Variants in UBR3 observed in about 807,000 individuals in gnomAD.
The protein encoded by UBR3 is ubiquitin protein ligase E3 component n-recognin 3.
UBR3 carries 85 observed loss-of-function variants against 243.2 expected under a neutral mutation model. That is an observed-to-expected ratio of 0.35 (90% CI 0.29 to 0.42). UBR3 has a LOEUF of 0.42. UBR3 is among the 10% of genes least tolerant of loss of function. The probability of loss-of-function intolerance (pLI) is 1.00; values close to 1 mark genes in which losing one functional copy is unlikely to be tolerated. For synonymous variants in UBR3, 748 were observed against 799.8 expected (o/e 0.94, Z 1.09); for missense variants, 1,686 against 2,300.8 (o/e 0.73, Z 5.47).
intron 1 of UBR3, among the ~76,000 whole-genome samples, chr2:169,831,216 C>T (rs533752626): frequency 7.0e-6 from 1 of 143,310 alleles, no homozygotes; most frequent in Admixed American, 7.1e-5. Context: ...TCTTGGCTCA[C>T]CGCAACCTCT....
chr2:170,049,970 C>T (rs1410400302), intron 32 of UBR3, among the ~76,000 whole-genome samples: 1 of 152,140 alleles, frequency 6.6e-6, no homozygotes, highest in Non-Finnish European at 1.5e-5. Flanking sequence ...TCATTTGAAT[C>T]TTTAACACTT....
chr2:169,904,173 C>T (rs1051817423), intron 8 of UBR3, among the ~76,000 whole-genome samples: 2 of 152,036 alleles, frequency 1.3e-5, no homozygotes, highest in African/African-American at 2.4e-5. Flanking sequence ...CTCTCAAAAG[C>T]ATATGATTCA....
intron 36 of UBR3, among the ~76,000 whole-genome samples, chr2:170,074,506 C>T (rs1267828765): frequency 1.3e-5 from 2 of 152,128 alleles, no homozygotes; most frequent in Non-Finnish European, 2.9e-5. Flanking sequence ...GCCTTTCCAT[C>T]TCATCGTATA....
intron 6 of UBR3, among the ~76,000 whole-genome samples, chr2:169,893,329 TTAA>T (rs1447321535): frequency 6.6e-6 from 1 of 152,226 alleles, no homozygotes; most frequent in Non-Finnish European, 1.5e-5. Context: ...TGCTTGACAA[TTAA>T]TAATAATTAT....
At chr2:169,861,479 C>T (rs374129322) in intron 1 of UBR3, among the ~76,000 whole-genome samples, 2 of 151,902 alleles carry the variant, frequency 1.3e-5, no homozygotes, top group Middle Eastern at 3.4e-3. Flanking sequence ...GTAGTGGCGG[C>T]GCCTGTAATC....
chr2:170,015,047 T>A, intron 29 of UBR3: 1 of 358,176 alleles, frequency 2.8e-6, no homozygotes, highest in Non-Finnish European at 5.0e-6. Context: ...CACCATGATG[T>A]GTGCAATTTT....
chr2:170,019,554 G>A (rs543056575), intron 30 of UBR3, among the ~76,000 whole-genome samples: 24 of 152,062 alleles, frequency 1.6e-4, no homozygotes, highest in Middle Eastern at 3.4e-3. Context: ...GTGTGGTGGC[G>A]TGTGCCTGTG....
Position 170,082,049 on chromosome 2 carries a change from C to A in UBR3, c.*206C>A. The A allele has an allele frequency of 2.6e-6, 1 of 380,256 alleles. No individual in the cohort carries two copies. Among genetic ancestry groups the A allele is most frequent in the Non-Finnish European group, 4.7e-6 (1 of 213,752 alleles). 23.6% of individuals were successfully genotyped at this position (380,256 alleles called of 1,614,324 possible). Reference sequence around the variant, plus strand: ...TTTAATATCTGGAGAACATTAATAACAAGTTAAATTATTCTTTAGTGGTCA... The same window carrying A: ...TTTAATATCTGGAGAACATTAATAAAAAGTTAAATTATTCTTTAGTGGTCA... On this transcript the variant is annotated 3_prime_UTR_variant, in exon 39 of 39. Transcript: ENST00000272793.
intron 25 of UBR3, among the ~76,000 whole-genome samples, chr2:169,992,310 G>T (rs2089309147): frequency 6.6e-6 from 1 of 152,126 alleles, no homozygotes; most frequent in African/African-American, 2.4e-5. Flanking sequence ...GGCTTCACTG[G>T]TGAATTCTAT....
chr2:169,925,559 T>C, intron 13 of UBR3, 60 bp from the exon 14 acceptor site: 2 of 1,404,170 alleles, frequency 1.4e-6, no homozygotes, highest in Non-Finnish European at 9.6e-7. Flanking sequence ...TGGTTATTTA[T>C]AATATTTTGT....
intron 10 of UBR3, among the ~76,000 whole-genome samples, chr2:169,907,348 T>C (rs10930386): frequency 0.98 from 148,673 of 152,204 alleles, 72,694 homozygotes; most frequent in Non-Finnish European, 1. Context: ...TCTGTCCATA[T>C]GATATTTCCT....
chr2:169,835,998 TCTCTCTCTCTCTCTCTCTC>T (rs2082077585), intron 1 of UBR3, among the ~76,000 whole-genome samples: 18 of 32,122 alleles, frequency 5.6e-4, no homozygotes, highest in African/African-American at 1.5e-3. Flanking sequence ...GCACTGTCTC[TCTCTCTCTCTCTCTCTCTC>T]TCTCTCTCTC....
intron 5 of UBR3, among the ~76,000 whole-genome samples, chr2:169,884,637 A>T (rs1404089630): frequency 1.3e-5 from 2 of 152,000 alleles, no homozygotes; most frequent in Non-Finnish European, 2.9e-5. Flanking sequence ...TTTTTTGTTT[A>T]TTAGTGGAAA....
chr2:169,924,245 C>G (rs905792444), intron 13 of UBR3, 72 bp downstream of exon 13: 2 of 1,146,942 alleles, frequency 1.7e-6, no homozygotes, highest in South Asian at 1.6e-5. Flanking sequence ...TATTTATATG[C>G]CTTTCATTGT....
intron 1 of UBR3, among the ~76,000 whole-genome samples, chr2:169,869,504 G>T (rs963914040): frequency 6.6e-6 from 1 of 152,034 alleles, no homozygotes; most frequent in Non-Finnish European, 1.5e-5. Flanking sequence ...GATTAAGGAC[G>T]TGAGCCACCT....
intron 1 of UBR3, among the ~76,000 whole-genome samples, chr2:169,843,815 G>T (rs897630416): frequency 1.3e-5 from 2 of 152,012 alleles, no homozygotes; most frequent in African/African-American, 4.8e-5. Context: ...TAAATGAGTT[G>T]GGAAGGGCAC....
chr2:169,986,862 A>G, intron 25 of UBR3, 68 bp downstream of exon 25: 1 of 1,508,578 alleles, frequency 6.6e-7, no homozygotes, highest in Admixed American at 1.8e-5. Flanking sequence ...ATTAATAAAT[A>G]TCTGTATTAA....
chr2:170,064,280 AT>A (rs1428825916), intron 35 of UBR3, among the ~76,000 whole-genome samples: 1 of 151,922 alleles, frequency 6.6e-6, no homozygotes, highest in African/African-American at 2.4e-5. Flanking sequence ...TGGAATAGAA[AT>A]TTTTCAGTTT....
At chr2:170,003,326 A>G (rs971727829) in intron 27 of UBR3, among the ~76,000 whole-genome samples, 3 of 152,226 alleles carry the variant, frequency 2.0e-5, no homozygotes, top group South Asian at 2.1e-4. Flanking sequence ...AAAGTTCACT[A>G]TTCTCTGAAT....
Sources: allele counts gnomAD v4.1 joint callset (sites outside exome capture counted in the v4.1 genomes callset), GRCh38; gene constraint gnomAD v4.1.1; transcripts MANE v1.5; gene names NCBI Gene and HGNC (gene_info 2026-07-23, HGNC 2026-07-21).